Variants in PDE1C observed in about 807,000 individuals in gnomAD.
The protein encoded by PDE1C is phosphodiesterase 1C.
In PDE1C, 62 loss-of-function variants were observed where a neutral mutation model predicts 93.1. That is an observed-to-expected ratio of 0.67 (90% CI 0.54 to 0.82). The LOEUF (loss-of-function observed/expected upper bound fraction) is 0.82. Ranked by LOEUF, PDE1C falls within the 40% of genes least tolerant of loss-of-function variation. The probability of loss-of-function intolerance (pLI) is 0.00; values close to 1 mark genes in which losing one functional copy is unlikely to be tolerated. For synonymous variants in PDE1C, 325 were observed against 310.1 expected, an observed-to-expected ratio of 1.05 and a Z score of -0.50; for missense variants, 742 against 884.6, an observed-to-expected ratio of 0.84 and a Z score of 2.04.
intron 2 of PDE1C, among the ~76,000 whole-genome samples, chr7:31,915,748 GTTTGTA>G (rs2128948153): frequency 6.6e-6 from 1 of 152,252 alleles, no homozygotes; most frequent in African/African-American, 2.4e-5. Flanking sequence ...AAATGTTATT[GTTTGTA>G]TTTGTGGGGG....
At chr7:31,714,587 C>G in the PDE1C span, among the ~76,000 whole-genome samples, 1 of 152,138 alleles carries the variant, frequency 6.6e-6, no homozygotes, top group Non-Finnish European at 1.5e-5. Context: ...TAAAGACATA[C>G]CCAAGACTGG....
intron 2 of PDE1C, among the ~76,000 whole-genome samples, chr7:31,975,065 C>A (rs576183710): frequency 2.4e-4 from 37 of 152,254 alleles, no homozygotes; most frequent in African/African-American, 7.7e-4. Flanking sequence ...TCTGATCCAC[C>A]ACTCCACCTA....
At chr7:32,138,133 T>C (rs1385755535) in intron 3 of PDE1C, among the ~76,000 whole-genome samples, 5 of 152,192 alleles carry the variant, frequency 3.3e-5, no homozygotes, top group Non-Finnish European at 5.9e-5. Context: ...AAATTTTGAA[T>C]CAGGAGTCCT....
chr7:32,102,676 C>G (rs1798096150), intron 3 of PDE1C, among the ~76,000 whole-genome samples: 1 of 152,170 alleles, frequency 6.6e-6, no homozygotes. Flanking sequence ...TGGCACACTG[C>G]CAAATGGGAG....
rs1028901380 is a variant in PDE1C at position 32,411,248 on chromosome 7, C to T, written c.310+16574G>A. ...AAAGATTAGAAGTGGATGAGCAAAC[C>T]GTAGTAGAGTCATGCGTCACTTAAT... On this transcript the variant is annotated intron_variant, in intron 1 of 1. Coordinates refer to the PDE1C transcript ENST00000672256. Among the ~76,000 whole-genome samples, 21 of 152,092 alleles carry T rather than the reference C, an allele frequency of 1.4e-4. 1 individual carries two copies. Among genetic ancestry groups the T allele is most frequent in the Admixed American group, 7.9e-4 (12 of 15,270 alleles).
chr7:31,822,926 T>C, intron 14 of PDE1C, 147 bp downstream of exon 14: 1 of 656,202 alleles, frequency 1.5e-6, no homozygotes, highest in Non-Finnish European at 2.6e-6. Context: ...TCGTAGATAT[T>C]ATGAAGATCA....
intron 3 of PDE1C, among the ~76,000 whole-genome samples, chr7:32,099,710 T>C (rs1797950728): frequency 6.6e-6 from 1 of 152,212 alleles, no homozygotes. Flanking sequence ...CTCTTACGTT[T>C]CCTAGACTAT....
chr7:31,785,481 C>G (rs1381329309), intron 16 of PDE1C: 1 of 152,072 alleles, frequency 6.6e-6, no homozygotes, highest in East Asian at 1.9e-4. Flanking sequence ...CAAAAAATGA[C>G]TAGGGTGGGT....
chr7:32,099,103 G>A (rs1013300972), intron 3 of PDE1C, among the ~76,000 whole-genome samples: 1 of 152,074 alleles, frequency 6.6e-6, no homozygotes. Flanking sequence ...ATTTGCTATA[G>A]CAACAATGGT....
chr7:32,071,847 A>T (rs1482463559), upstream of PDE1C, among the ~76,000 whole-genome samples: 1 of 152,158 alleles, frequency 6.6e-6, no homozygotes, highest in Non-Finnish European at 1.5e-5. Context: ...GGTCCGTCAA[A>T]CTTCCTTCTA....
the PDE1C span, among the ~76,000 whole-genome samples, chr7:31,657,132 A>G: frequency 6.7e-5 from 10 of 148,752 alleles, no homozygotes; most frequent in Admixed American, 3.3e-4. Context: ...TATATCAAAT[A>G]TATATAATCA....
chr7:32,015,588 G>A (rs1011955512), intron 2 of PDE1C, among the ~76,000 whole-genome samples: 1 of 148,268 alleles, frequency 6.7e-6, no homozygotes, highest in Non-Finnish European at 1.5e-5. Flanking sequence ...ACAATTTTTT[G>A]ACCTTTGATT....
intron 1 of PDE1C, among the ~76,000 whole-genome samples, chr7:32,344,418 C>T (rs573312148): frequency 1.1e-4 from 16 of 152,296 alleles, no homozygotes; most frequent in Middle Eastern, 3.4e-3. Context: ...CAATGGTTTA[C>T]GGGGTACATT....
chr7:31,861,412 A>T (rs773580089), intron 7 of PDE1C, among the ~76,000 whole-genome samples: 2 of 151,920 alleles, frequency 1.3e-5, no homozygotes, highest in Non-Finnish European at 2.9e-5. Context: ...GTCCAAGACT[A>T]CCTAATCTAC....
Position 31,865,093 on chromosome 7 carries a change from G to A in PDE1C, c.610-11C>T. On this transcript the variant is annotated splice_polypyrimidine_tract_variant and intron_variant, in intron 6 of 17. Coordinates refer to ENST00000396191, the MANE Select transcript of PDE1C (RefSeq NM_001191057.4). ...TGCAGAAATGGGGATCTGAAAGAGA[G>A]CAGTAAGGTTAATTAACTAGTGACT... The A allele has an allele frequency of 6.2e-7, 1 of 1,613,944 alleles. No individual in the cohort carries two copies. The highest frequency in any genetic ancestry group is 1.7e-4 in the Middle Eastern group (1 of 6,060).
chr7:31,837,062 C>T, intron 11 of PDE1C, 118 bp downstream of exon 11: 1 of 962,282 alleles, frequency 1.0e-6, no homozygotes, highest in South Asian at 2.1e-5. Flanking sequence ...TGTGGAGCCC[C>T]CCTCCCCTCT....
chr7:32,052,304 C>G, intron 1 of PDE1C: 1 of 485,272 alleles, frequency 2.1e-6, no homozygotes, highest in Non-Finnish European at 4.2e-6. Flanking sequence ...AAATCTTGTG[C>G]ATCAGGCTTC....
At chr7:31,909,951 C>T (rs1801030066) in intron 2 of PDE1C, among the ~76,000 whole-genome samples, 1 of 152,170 alleles carries the variant, frequency 6.6e-6, no homozygotes, top group South Asian at 2.1e-4. Flanking sequence ...TCCCTGGTCT[C>T]TACCCACGAG....
intron 1 of PDE1C, among the ~76,000 whole-genome samples, chr7:32,223,314 A>G (rs959500152): frequency 1.3e-5 from 2 of 152,248 alleles, no homozygotes; most frequent in Non-Finnish European, 2.9e-5. Context: ...GTGCACTTAC[A>G]TGTGCAAACT....
Sources: allele counts gnomAD v4.1 joint callset (sites outside exome capture counted in the v4.1 genomes callset), GRCh38; gene constraint gnomAD v4.1.1; transcripts MANE v1.5; gene names NCBI Gene and HGNC (gene_info 2026-07-23, HGNC 2026-07-21).